XPO7: variants seen among roughly 807,000 people sequenced by gnomAD.
XPO7 encodes the protein exportin-7.
In XPO7, 21 loss-of-function variants were observed where a neutral mutation model predicts 144.3. The observed-to-expected ratio is 0.15, with a 90% confidence interval of 0.10 to 0.21. The LOEUF (loss-of-function observed/expected upper bound fraction) is 0.21. XPO7 is among the 10% of genes least tolerant of loss of function. The pLI is 1.00. For missense variants in XPO7, 808 were observed against 1,325.8 expected (o/e 0.61, Z 6.06); for synonymous variants, 580 against 499.6 (o/e 1.16, Z -2.15).
chr8:21,953,903 G>C (rs1280222298), intron 1 of XPO7, among the ~76,000 whole-genome samples: 4 of 152,158 alleles, frequency 2.6e-5, no homozygotes, highest in Admixed American at 6.6e-5. Flanking sequence ...TTGGATATCA[G>C]TCCTGTATCA....
chr8:21,987,101 T>C (rs764584871), intron 13 of XPO7, 40 bp from the exon 14 acceptor site: 2 of 1,612,190 alleles, frequency 1.2e-6, no homozygotes, highest in Non-Finnish European at 1.7e-6. Context: ...GTAAACAGGA[T>C]GTCCTGCTGT....
Position 21,919,983 on chromosome 8 carries a change from C to T in XPO7, c.18+195C>T, listed in dbSNP as rs1243854192. ...CTCCCGGGCCGGGGGCCTTCTCCGT[C>T]CCCTCCCACCCGGTCCCACACCTCG... On this transcript the variant is annotated intron_variant, in intron 1 of 27. Transcript: ENST00000252512. 2.0e-5 allele frequency among the ~76,000 whole-genome samples: 3 copies of T among 151,390 alleles called. No homozygotes were observed. In the East Asian group the frequency reaches 5.9e-4, roughly 30 times the overall value.
intron 12 of XPO7, 35 bp downstream of exon 12, chr8:21,984,874 TGAG>T (rs755210562): frequency 7.0e-4 from 1,122 of 1,606,228 alleles, no homozygotes; most frequent in Non-Finnish European, 8.9e-4. Flanking sequence ...TCTAGACCTG[TGAG>T]GAGATGTTGT....
chr8:21,966,444 G>A, intron 1 of XPO7: 1 of 611,540 alleles, frequency 1.6e-6, no homozygotes, highest in South Asian at 2.0e-5. Context: ...AAATGTGTGT[G>A]GTACTTATAT....
chr8:21,980,236 G>C (rs1446680700), intron 9 of XPO7, 33 bp downstream of exon 9: 2 of 1,552,934 alleles, frequency 1.3e-6, no homozygotes, highest in Non-Finnish European at 1.7e-6. Context: ...ATATGTATAG[G>C]ATTAGTGTAT....
chr8:22,004,864 T>C, intron 27 of XPO7, 131 bp from the exon 28 acceptor site: 1 of 565,136 alleles, frequency 1.8e-6, no homozygotes, highest in Non-Finnish European at 3.0e-6. Flanking sequence ...AAGACTGAAA[T>C]TAACTGATCT....
intron 1 of XPO7, among the ~76,000 whole-genome samples, chr8:21,944,747 C>T (rs546224862): frequency 9.6e-4 from 146 of 151,964 alleles, no homozygotes; most frequent in Non-Finnish European, 1.6e-3. Flanking sequence ...TAGGCCCTGC[C>T]GCCTTCCGCC....
intron 14 of XPO7, 109 bp downstream of exon 14, chr8:21,987,385 T>C (rs1185446260): frequency 1.4e-6 from 2 of 1,456,514 alleles, no homozygotes; most frequent in Admixed American, 2.0e-5. Flanking sequence ...TTTCACGTAA[T>C]AGGACAGTCC....
At chr8:21,987,419 A>G (rs971937919) in intron 14 of XPO7, 143 bp downstream of exon 14, 1 of 1,258,126 alleles carries the variant, frequency 7.9e-7, no homozygotes. Flanking sequence ...TAGTCTTTAA[A>G]TTCTGGGAGA....
At chr8:21,972,453 G>A (rs1184210178) in intron 5 of XPO7, among the ~76,000 whole-genome samples, 1 of 152,066 alleles carries the variant, frequency 6.6e-6, no homozygotes, top group African/African-American at 2.4e-5. Context: ...CTCCAGCTTG[G>A]GCAACAAGAG....
intron 1 of XPO7, among the ~76,000 whole-genome samples, chr8:21,959,352 T>C (rs902381823): frequency 6.6e-6 from 1 of 152,230 alleles, no homozygotes; most frequent in African/African-American, 2.4e-5. Context: ...TGTACACACA[T>C]TACTTCATTG....
chr8:21,920,549 C>T lies in XPO7; in HGVS notation c.18+761C>T, dbSNP rs529055470. 2.6e-5 allele frequency among the ~76,000 whole-genome samples: 4 copies of T among 152,240 alleles called. No individual in the cohort carries two copies. In the South Asian group the frequency reaches 6.2e-4, roughly 24 times the overall value. On this transcript the variant is annotated intron_variant, in intron 1 of 27. Coordinates refer to ENST00000252512, the MANE Select transcript of XPO7 (RefSeq NM_015024.5). ...GGGTGCAGACGTTGCTCGGGAGGGT[C>T]TTGATCCGGCTCAAGAGCTGCTCCT...
chr8:21,929,553 G>A (rs1368789911), intron 1 of XPO7, among the ~76,000 whole-genome samples: 1 of 152,208 alleles, frequency 6.6e-6, no homozygotes, highest in Non-Finnish European at 1.5e-5. Flanking sequence ...TTTTACAGAT[G>A]AGATGGAGAA....
intron 14 of XPO7, 59 bp downstream of exon 14, chr8:21,987,335 T>C (rs1812612708): frequency 6.2e-7 from 1 of 1,606,736 alleles, no homozygotes; most frequent in South Asian, 1.1e-5. Flanking sequence ...GGATTGCTGA[T>C]GGAGGGAAAC....
intron 20 of XPO7, among the ~76,000 whole-genome samples, chr8:21,994,696 G>T (rs1042641168): frequency 2.0e-5 from 3 of 152,104 alleles, no homozygotes; most frequent in African/African-American, 4.8e-5. Flanking sequence ...AATGCCTGTG[G>T]AACCATATAC....
intron 1 of XPO7, among the ~76,000 whole-genome samples, chr8:21,963,393 T>C (rs1316548021): frequency 6.6e-6 from 1 of 152,124 alleles, no homozygotes; most frequent in Non-Finnish European, 1.5e-5. Flanking sequence ...TTTAAAGCAG[T>C]GAGGCTAATT....
At chr8:21,925,591 A>G (rs1056051689) in intron 1 of XPO7, among the ~76,000 whole-genome samples, 5 of 152,312 alleles carry the variant, frequency 3.3e-5, no homozygotes, top group Non-Finnish European at 1.5e-5. Context: ...TCATAGGGAA[A>G]GGGGGATACC....
chr8:21,978,388 A>C (rs1385660777), intron 8 of XPO7, among the ~76,000 whole-genome samples: 1 of 152,244 alleles, frequency 6.6e-6, no homozygotes, highest in Non-Finnish European at 1.5e-5. Context: ...TTGTTGGTGT[A>C]AATTACCGGT....
At position 21,990,835 on chromosome 8, in the gene XPO7, A is replaced by G. The variant is rs1392073121; in HGVS notation, c.1957A>G (p.Ile653Val). 3 of 1,613,682 alleles carry G rather than the reference A, an allele frequency of 1.9e-6. No homozygotes were observed. The highest frequency in any genetic ancestry group is 1.1e-5 in the South Asian group (1 of 91,072). The change falls in exon 18 of 28, where the codon ATT becomes GTT. Residue 653 changes from isoleucine (I) to valine (V), a missense_variant. Physicochemically the swap from Ile to Val is conservative, Grantham distance 29. Around this residue, in one of 5 missense-constraint regions of XPO7, gnomAD observed 416 missense variants for 612.5 expected, o/e 0.68. Transcript: ENST00000252512. ...GAGCGAGCACTTTTCATTTTTGGGT[A>G]TTAACAATCAGTCCAACCTGACAGA... ...HTSEHFSFLG[I>V]NNQSNLTDMR...
Sources: gnomAD v4.1 joint callset for allele counts (sites outside exome capture counted in the v4.1 genomes callset) on GRCh38, gnomAD v4.1.1 for gene constraint, gnomAD v4.1.1 regional missense constraint, MANE v1.5 for transcripts, NCBI Gene and HGNC (gene_info 2026-07-23, HGNC 2026-07-21) for gene names.